The following KHDC1 variants were observed in gnomAD, a reference collection of about 807,000 sequenced individuals.
KHDC1 encodes KH domain containing 1, also known as KH homology domain-containing protein 1.
Under a neutral mutation model 24.7 loss-of-function variants are expected in KHDC1, and 21 were observed. The ratio of observed to expected loss-of-function variants is 0.85; its 90% CI spans 0.60 to 1.23. The LOEUF (loss-of-function observed/expected upper bound fraction) is 1.23. Ranked by LOEUF, KHDC1 falls within the 50% of genes most tolerant of loss-of-function variation. The pLI is 0.00. For missense variants in KHDC1, 274 were observed against 298.5 expected (o/e 0.92, Z 0.61); for synonymous variants, 98 against 111.7 (o/e 0.88, Z 0.77).
At chr6:73,278,004 C>CG (rs1263420509) in intron 2 of KHDC1, among the ~76,000 whole-genome samples, 4 of 97,142 alleles carry the variant, frequency 4.1e-5, no homozygotes, top group Admixed American at 9.5e-5. Flanking sequence ...CTCTCTCTCT[C>CG]GGGTGTTTTT....
In KHDC1 at chr6:73,292,305, AC is replaced by A. The variant is rs1362925022; in HGVS notation, c.164-266del. 59 of 1,071,720 alleles carry A rather than the reference AC, an allele frequency of 5.5e-5. No individual in the cohort carries two copies. The East Asian group carries it at 1.3e-3, about 24-fold the overall frequency. 66.4% of individuals were successfully genotyped at this position (1,071,720 alleles called of 1,614,324 possible). On this transcript the variant is annotated intron_variant, in intron 1 of 4. Coordinates refer to ENST00000370384, the Ensembl canonical transcript of KHDC1. ...ACCAGGGATGGTAGGATGCTCTTTG[AC>A]TACCTGGCGGACAAGCATGGTTTTA... is the stretch of plus-strand genomic sequence containing the variant.
At chr6:73,277,334 A>G (rs956800550) in intron 2 of KHDC1, among the ~76,000 whole-genome samples, 3 of 152,112 alleles carry the variant, frequency 2.0e-5, no homozygotes, top group African/African-American at 7.2e-5. Flanking sequence ...GCATGTTGGC[A>G]TGCGCCTATA....
intron 2 of KHDC1, among the ~76,000 whole-genome samples, chr6:73,289,816 G>A (rs917077039): frequency 6.6e-6 from 1 of 151,618 alleles, no homozygotes; most frequent in South Asian, 2.1e-4. Flanking sequence ...AAATTAGCCA[G>A]GCGGCCGGGC....
intron 1 of KHDC1, chr6:73,300,831 C>A (rs1196619881): frequency 2.0e-5 from 3 of 152,212 alleles, no homozygotes; most frequent in Admixed American, 2.0e-4. Context: ...CCAGTGCCGC[C>A]AGACTTGCCA....
intron 2 of KHDC1, among the ~76,000 whole-genome samples, chr6:73,286,140 T>C (rs1421260339): frequency 6.6e-6 from 1 of 152,190 alleles, no homozygotes; most frequent in African/African-American, 2.4e-5. Flanking sequence ...CCCAGCCTTA[T>C]CCTGCTGCCA....
At chr6:73,261,449 A>T (rs771123866) in intron 2 of KHDC1, among the ~76,000 whole-genome samples, 1 of 151,226 alleles carries the variant, frequency 6.6e-6, no homozygotes, top group African/African-American at 2.4e-5. Flanking sequence ...ATAAATAAAT[A>T]AATAAAATTT....
rs1224776314 is a variant in KHDC1 at position 73,243,686 on chromosome 6, TATCTGA to T, written c.207-1162_207-1157del. ...AGGCCATGAAATCATGCCCCAACTC[TATCTGA>T]ATCTGTTCTAGAGAGACAGGTAGTC... is the stretch of plus-strand genomic sequence containing the variant. On this transcript the variant is annotated intron_variant, in intron 2 of 4. Coordinates refer to ENST00000370384, the Ensembl canonical transcript of KHDC1. Among the ~76,000 whole-genome samples, 3 of 152,360 alleles carry T rather than the reference TATCTGA, an allele frequency of 2.0e-5. No homozygotes were observed. The East Asian group carries it at 5.8e-4, about 29-fold the overall frequency.
At chr6:73,242,595 G>T (rs1372731762) in intron 2 of KHDC1, 65 bp from the exon 2 acceptor site, 1 of 1,606,354 alleles carries the variant, frequency 6.2e-7, no homozygotes, top group Non-Finnish European at 8.5e-7. Context: ...GTGAGGGAGG[G>T]CCTAGGCTCT....
chr6:73,271,742 G>T (rs1442652526), intron 2 of KHDC1, among the ~76,000 whole-genome samples: 1 of 151,254 alleles, frequency 6.6e-6, no homozygotes, highest in Non-Finnish European at 1.5e-5. Flanking sequence ...AAAACTACAA[G>T]AATTAGCCAG....
chr6:73,258,141 G>T (rs1766913834), intron 2 of KHDC1, among the ~76,000 whole-genome samples: 1 of 152,188 alleles, frequency 6.6e-6, no homozygotes, highest in Non-Finnish European at 1.5e-5. Flanking sequence ...TGTAATCCCA[G>T]CTACTCTGGA....
At chr6:73,265,523 C>T (rs1296299726) in intron 2 of KHDC1, among the ~76,000 whole-genome samples, 8 of 106,878 alleles carry the variant, frequency 7.5e-5, no homozygotes, top group South Asian at 3.6e-4. Context: ...AGCGAGACTC[C>T]GTCTCAAAAA....
intron 2 of KHDC1, among the ~76,000 whole-genome samples, chr6:73,278,343 A>G (rs763617749): frequency 1.1e-4 from 17 of 151,188 alleles, no homozygotes; most frequent in Non-Finnish European, 1.9e-4. Context: ...TCCTTTGCCT[A>G]TATTTCTATT....
exon 3 of KHDC1, chr6:73,242,510 A>T (rs767717346): frequency 3.1e-6 from 5 of 1,613,988 alleles, no homozygotes; most frequent in East Asian, 2.2e-5. Context: ...ACTCGTTCCC[A>T]TGTCCATGCT....
In KHDC1 at chr6:73,289,333, CAAAAAAAAAA is replaced by C. The variant is rs60179008; in HGVS notation, c.206+2655_206+2664del. Among the ~76,000 whole-genome samples the C allele has an allele frequency of 6.6e-3, 415 of 62,664 alleles. 3 individuals are homozygous for C. The highest frequency in any genetic ancestry group is 8.8e-3 in the Non-Finnish European group (305 of 34,734). The allele number at this position is 62,664 out of a possible 152,430, so 41.1% of individuals were successfully genotyped here. ...TGGGCGACAGAGTGAGACTCCATCT[CAAAAAAAAAA>C]AAAAAAAAAAAAAAAAGAATAAAAT... On this transcript the variant is annotated intron_variant, in intron 2 of 4. Coordinates refer to ENST00000370384, the Ensembl canonical transcript of KHDC1.
At chr6:73,244,810 G>A (rs1224473300) in intron 2 of KHDC1, among the ~76,000 whole-genome samples, 2 of 152,100 alleles carry the variant, frequency 1.3e-5, no homozygotes, top group African/African-American at 4.8e-5. Flanking sequence ...GTGCGCACCT[G>A]CAGTCCCAGC....
intron 1 of KHDC1, chr6:73,293,284 A>G (rs1019041385): frequency 1.1e-5 from 7 of 609,538 alleles, no homozygotes; most frequent in Admixed American, 8.7e-5. Context: ...CTGAAGAAAC[A>G]TAAGGAAAAG....
At chr6:73,301,868 G>A (rs1388454731) in intron 1 of KHDC1, among the ~76,000 whole-genome samples, 2 of 151,618 alleles carry the variant, frequency 1.3e-5, no homozygotes, top group Non-Finnish European at 2.9e-5. Flanking sequence ...CTGGGCTCAA[G>A]CAATCCTGCC....
chr6:73,304,352 A>G lies in KHDC1; in HGVS notation c.163+5200T>C, dbSNP rs902906872. Among the ~76,000 whole-genome samples, 5 of 152,242 alleles carry G rather than the reference A, an allele frequency of 3.3e-5. No individual in the cohort carries two copies. The East Asian group carries it at 9.6e-4, about 29-fold the overall frequency. ...CAATGTATAAAATATCCTGCCACAC[A>G]TTAAAATACATACATATACATACAT... On this transcript the variant is annotated intron_variant, in intron 1 of 4. Transcript: ENST00000370384.
chr6:73,309,494 CT>C, intron 1 of KHDC1: 2 of 1,460,264 alleles, frequency 1.4e-6, no homozygotes, highest in East Asian at 5.0e-5. Flanking sequence ...CGAAACTCGC[CT>C]TTCCGGGCAC....
Sources: gnomAD v4.1 joint callset for allele counts (sites outside exome capture counted in the v4.1 genomes callset) on GRCh38, gnomAD v4.1.1 for gene constraint, MANE v1.5 for transcripts, NCBI Gene and HGNC (gene_info 2026-07-23, HGNC 2026-07-21) for gene names.